Variants in PIP5K1B observed in about 807,000 individuals in gnomAD.
PIP5K1B encodes the protein phosphatidylinositol 4-phosphate 5-kinase type-1 beta.
Under a neutral mutation model 67.0 loss-of-function variants are expected in PIP5K1B, and 42 were observed. That is an observed-to-expected ratio of 0.63 (90% confidence interval 0.49 to 0.81). The LOEUF (loss-of-function observed/expected upper bound fraction) is 0.81. Ranked by LOEUF, PIP5K1B falls within the 30% of genes least tolerant of loss-of-function variation. PIP5K1B has a pLI of 0.00. For synonymous variants in PIP5K1B, 214 were observed against 231.4 expected, an observed-to-expected ratio of 0.92 and a Z score of 0.68; for missense variants, 459 against 646.3, an observed-to-expected ratio of 0.71 and a Z score of 3.14.
intron 5 of PIP5K1B, among the ~76,000 whole-genome samples, chr9:68,865,244 C>G (rs1823298534): frequency 6.6e-6 from 1 of 151,504 alleles, no homozygotes; most frequent in African/African-American, 2.4e-5. Flanking sequence ...TGATCCTACT[C>G]TTCTTTCTAT....
At chr9:68,895,800 C>T (rs1437522729) in intron 8 of PIP5K1B, among the ~76,000 whole-genome samples, 1 of 151,988 alleles carries the variant, frequency 6.6e-6, no homozygotes, top group African/African-American at 2.4e-5. Flanking sequence ...TTTTTTAATG[C>T]ATCATTTCAC....
chr9:68,959,172 A>C (rs554241295), intron 14 of PIP5K1B, among the ~76,000 whole-genome samples: 1 of 152,266 alleles, frequency 6.6e-6, no homozygotes, highest in East Asian at 1.9e-4. Flanking sequence ...GAACTTTATG[A>C]TAGAGGAAAT....
chr9:68,748,922 T>A (rs1449955784), intron 2 of PIP5K1B, among the ~76,000 whole-genome samples: 3 of 152,238 alleles, frequency 2.0e-5, no homozygotes, highest in East Asian at 3.9e-4. Context: ...AGGTTTCAGA[T>A]CTTTTCTCCA....
chr9:68,991,055 C>T, intron 14 of PIP5K1B, 85 bp from the exon 15 acceptor site: 3 of 771,928 alleles, frequency 3.9e-6, no homozygotes, highest in Non-Finnish European at 6.9e-6. Flanking sequence ...AAAAGCTGCC[C>T]ACCTCACCCT....
chr9:68,968,651 T>G (rs1214711488), intron 14 of PIP5K1B, among the ~76,000 whole-genome samples: 4 of 151,856 alleles, frequency 2.6e-5, no homozygotes, highest in Non-Finnish European at 2.9e-5. Flanking sequence ...TTTTTTATCT[T>G]AGCATGAAAA....
At chr9:68,826,071 T>C (rs1833963038) in intron 4 of PIP5K1B, among the ~76,000 whole-genome samples, 1 of 152,226 alleles carries the variant, frequency 6.6e-6, no homozygotes, top group Non-Finnish European at 1.5e-5. Context: ...ACAGCTAACA[T>C]TGGTCCGTGA....
intron 2 of PIP5K1B, among the ~76,000 whole-genome samples, chr9:68,816,020 A>T (rs1240962264): frequency 6.6e-6 from 1 of 152,210 alleles, no homozygotes; most frequent in Admixed American, 6.5e-5. Flanking sequence ...AAAACTTATG[A>T]TCCTAAAGAT....
At position 68,735,316 on chromosome 9, in the gene PIP5K1B, C is replaced by CTTTTTTTTTTTTTTTTTTTTTT. The variant is rs558810934; in HGVS notation, c.-242-7178_-242-7157dup. Among the ~76,000 whole-genome samples the CTTTTTTTTTTTTTTTTTTTTTT allele has an allele frequency of 1.3e-3, 40 of 29,806 alleles. 6 individuals carry two copies. The highest frequency in any genetic ancestry group is 4.6e-3 in the East Asian group (5 of 1,086). 19.6% of individuals were successfully genotyped at this position (29,806 alleles called of 152,430 possible). On this transcript the variant is annotated intron_variant, in intron 1 of 15. Transcript: ENST00000265382. The stretch of plus-strand genomic sequence containing the variant: ...CAGATTTGCTGTTTTCCCCTAGTGT[C>CTTTTTTTTTTTTTTTTTTTTTT]TTTTTTTTTTTTTTTTTTTTTTTTT...
chr9:68,813,576 T>C (rs1246736002), intron 2 of PIP5K1B, among the ~76,000 whole-genome samples: 1 of 152,214 alleles, frequency 6.6e-6, no homozygotes, highest in Non-Finnish European at 1.5e-5. Flanking sequence ...GAAGTCCTAA[T>C]TTTCAGTACC....
intron 2 of PIP5K1B, among the ~76,000 whole-genome samples, chr9:68,744,298 C>A (rs1441766876): frequency 1.3e-5 from 2 of 152,200 alleles, no homozygotes; most frequent in East Asian, 3.8e-4. Context: ...CTGCCTTGAA[C>A]AAATAGGTTT....
chr9:68,711,127 C>T (rs1199156883), intron 1 of PIP5K1B, among the ~76,000 whole-genome samples: 1 of 152,158 alleles, frequency 6.6e-6, no homozygotes, highest in Non-Finnish European at 1.5e-5. Flanking sequence ...TTCAGTCATG[C>T]TGAGCAAGGG....
At chr9:69,002,780 C>T (rs1051494986) in intron 15 of PIP5K1B, among the ~76,000 whole-genome samples, 2 of 151,986 alleles carry the variant, frequency 1.3e-5, no homozygotes, top group Admixed American at 1.3e-4. Context: ...TCCAGGAGTT[C>T]AAGACCAGCC....
intron 8 of PIP5K1B, among the ~76,000 whole-genome samples, chr9:68,904,002 A>T (rs924818546): frequency 2.0e-5 from 3 of 152,238 alleles, no homozygotes; most frequent in Admixed American, 6.5e-5. Flanking sequence ...GAGCCAGACA[A>T]TCTATTACAT....
chr9:68,729,653 A>G (rs1554705807), intron 1 of PIP5K1B, among the ~76,000 whole-genome samples: 2 of 152,166 alleles, frequency 1.3e-5, no homozygotes, highest in Non-Finnish European at 2.9e-5. Context: ...GTTAGGTACT[A>G]TCATTTTTAT....
intron 1 of PIP5K1B, among the ~76,000 whole-genome samples, chr9:68,732,920 G>T (rs535460955): frequency 2.6e-5 from 4 of 151,824 alleles, no homozygotes; most frequent in African/African-American, 7.3e-5. Context: ...GTGGGTTGGG[G>T]GGGGGGCGGC....
intron 2 of PIP5K1B, among the ~76,000 whole-genome samples, chr9:68,769,110 T>C (rs1830566469): frequency 1.3e-5 from 2 of 152,226 alleles, no homozygotes; most frequent in South Asian, 4.1e-4. Flanking sequence ...ATTTTTTAAA[T>C]TGAAAAATTA....
At chr9:68,923,043 C>G (rs1476437458) in intron 11 of PIP5K1B, among the ~76,000 whole-genome samples, 3 of 152,106 alleles carry the variant, frequency 2.0e-5, no homozygotes, top group African/African-American at 7.2e-5. Context: ...ATTTATGTAG[C>G]ACAGTTTTTT....
At chr9:68,857,959 T>TTTGTTGTTGTTGTTGTTGTTGTTG (rs71353086) in intron 4 of PIP5K1B, among the ~76,000 whole-genome samples, 26 of 149,306 alleles carry the variant, frequency 1.7e-4, no homozygotes, top group Admixed American at 8.7e-4. Flanking sequence ...CTCTTGCTGT[T>TTTGTTGTTGTTGTTGTTGTTGTTG]TTGTTGTTGT....
rs919842374 is a variant in PIP5K1B at position 68,929,288 on chromosome 9, A to T, written c.1202-5602A>T. 3.3e-4 allele frequency among the ~76,000 whole-genome samples: 50 copies of T among 152,210 alleles called. 1 individual carries two copies. The highest frequency in any genetic ancestry group is 7.9e-4 in the Admixed American group (12 of 15,282). On this transcript the variant is annotated intron_variant, in intron 12 of 15. Transcript: ENST00000265382. ...TGTTGAATGGATGAATATACCATGT[A>T]TACTGGGTCCGATCTTCTCCTTAAG...
Sources: allele counts gnomAD v4.1 joint callset (sites outside exome capture counted in the v4.1 genomes callset), GRCh38; gene constraint gnomAD v4.1.1; transcripts MANE v1.5; gene names NCBI Gene and HGNC (gene_info 2026-07-23, HGNC 2026-07-21).